The following GRSF1 variants were observed in gnomAD, a reference collection of about 807,000 sequenced individuals.
GRSF1 encodes the protein G-rich sequence factor 1.
In GRSF1, 50 loss-of-function variants were observed where a neutral mutation model predicts 51.1. The observed-to-expected ratio is 0.98, with a 90% CI of 0.78 to 1.24. The LOEUF (loss-of-function observed/expected upper bound fraction) is 1.24, where lower values mean the gene tolerates loss of function less well. Ranked by LOEUF, GRSF1 falls within the 50% of genes most tolerant of loss-of-function variation. The probability of loss-of-function intolerance (pLI) is 0.00; values close to 1 mark genes in which losing one functional copy is unlikely to be tolerated. For synonymous variants in GRSF1, 293 were observed against 253.3 expected (o/e 1.16, Z -1.49); for missense variants, 700 against 639.7 (o/e 1.09, Z -1.02).
chr4:70,835,779 A>G (rs1734182847), intron 2 of GRSF1, among the ~76,000 whole-genome samples: 1 of 152,038 alleles, frequency 6.6e-6, no homozygotes, highest in African/African-American at 2.4e-5. Flanking sequence ...CTTTTGTTGC[A>G]TTCAAAGTCT....
At chr4:70,827,205 G>A (rs529671374) in intron 6 of GRSF1, among the ~76,000 whole-genome samples, 5 of 151,222 alleles carry the variant, frequency 3.3e-5, no homozygotes, top group Admixed American at 2.0e-4. Context: ...GGATGATGGC[G>A]TGAACCTGGG....
At chr4:70,837,338 G>A (rs1282441368) in intron 1 of GRSF1, among the ~76,000 whole-genome samples, 3 of 151,988 alleles carry the variant, frequency 2.0e-5, no homozygotes, top group Non-Finnish European at 4.4e-5. Context: ...GCCGAGGTGG[G>A]CGAATCACGA....
At chr4:70,822,357 C>T (rs1006734554) in intron 9 of GRSF1, among the ~76,000 whole-genome samples, 23 of 151,136 alleles carry the variant, frequency 1.5e-4, no homozygotes, top group African/African-American at 4.9e-4. Flanking sequence ...CTGAGGCTAG[C>T]GGATCACTGG....
At chr4:70,821,723 G>T (rs2148834325) in intron 9 of GRSF1, among the ~76,000 whole-genome samples, 1 of 149,066 alleles carries the variant, frequency 6.7e-6, no homozygotes, top group South Asian at 2.1e-4. Context: ...ATCCAGGCTG[G>T]TGGAGTGCAG....
Position 70,819,248 on chromosome 4 carries a change from T to C in GRSF1, c.*1639A>G, listed in dbSNP as rs892248488. The C allele has an allele frequency of 6.6e-6, 1 of 152,108 alleles. No homozygotes were observed. Among genetic ancestry groups the C allele is most frequent in the African/African-American group, 2.4e-5 (1 of 41,416 alleles). 9.4% of individuals were successfully genotyped at this position (152,108 alleles called of 1,614,324 possible). A position where few individuals can be genotyped will look rare whatever the true frequency, so the allele number is the denominator to read the frequency against. On this transcript the variant is annotated 3_prime_UTR_variant, in exon 10 of 10. Coordinates refer to ENST00000254799, the MANE Select transcript of GRSF1 (RefSeq NM_002092.4). ...CCCCACAGATCTTTTCCACAGCAAA[T>C]CAGATACCAAATGTGAAAGAGCAAC...
intron 5 of GRSF1, 146 bp downstream of exon 5, chr4:70,831,393 A>T: frequency 1.6e-6 from 1 of 641,946 alleles, no homozygotes; most frequent in Non-Finnish European, 2.5e-6. Context: ...AAAAATTGTT[A>T]ATCTAAATTA....
chr4:70,828,040 T>C lies in GRSF1; in HGVS notation c.951-4A>G, dbSNP rs1733805263. On this transcript the variant is annotated splice_polypyrimidine_tract_variant and splice_region_variant and intron_variant, in intron 5 of 9. Coordinates refer to ENST00000254799, the MANE Select transcript of GRSF1 (RefSeq NM_002092.4). Reference sequence around the variant, plus strand: ...GCTTGGAAATATCTCGATGTATCTATGTCAAAGCAAAAGTAAACAGGCACA... The same window carrying C: ...GCTTGGAAATATCTCGATGTATCTACGTCAAAGCAAAAGTAAACAGGCACA... 4 of 1,609,724 alleles carry C rather than the reference T, an allele frequency of 2.5e-6. No individual in the cohort carries two copies. Among genetic ancestry groups the C allele is most frequent in the Non-Finnish European group, 3.4e-6 (4 of 1,177,602 alleles).
At chr4:70,839,920 T>G, upstream of GRSF1, 18 of 1,127,926 alleles carry the variant, frequency 1.6e-5, no homozygotes, top group East Asian at 3.6e-5. Flanking sequence ...GGGTGGGGTG[T>G]GCCTGGCACA....
intron 1 of GRSF1, chr4:70,839,061 C>A: frequency 8.7e-7 from 1 of 1,147,634 alleles, no homozygotes; most frequent in South Asian, 1.3e-5. Context: ...GCCTAGCGCT[C>A]GGGCTGCACG....
In GRSF1 at chr4:70,833,289, C is replaced by A; in HGVS notation, c.515-16G>T. 6.2e-7 allele frequency: 1 copy of A among 1,607,150 alleles called. No homozygotes were observed. The highest frequency in any genetic ancestry group is 8.5e-7 in the Non-Finnish European group (1 of 1,176,254). On this transcript the variant is annotated splice_polypyrimidine_tract_variant and intron_variant, in intron 2 of 9. Coordinates refer to ENST00000254799, the MANE Select transcript of GRSF1 (RefSeq NM_002092.4). ...ATTCTGCAGTCTAAAAGTGTATGAG[C>A]AAAATCAATTGAAAACAGAAATCAA... is the stretch of plus-strand genomic sequence containing the variant.
Position 70,827,931 on chromosome 4 carries a change from C to A in GRSF1, c.1056G>T (p.Glu352Asp), listed in dbSNP as rs369995719. Reference sequence around the variant, plus strand: ...CATGTTCTTCAAAGACCATTTCTGGCTCAGTTATATACTTAGCAGTAGGAA... The same window carrying A: ...CATGTTCTTCAAAGACCATTTCTGGATCAGTTATATACTTAGCAGTAGGAA... ...ASFPTAKYIT[E>D]PEMVFEEHEV... Residue 352 changes from glutamate (E) to aspartate (D), a missense_variant, in exon 6 of 10, where the codon GAG (glutamate) becomes GAT (aspartate). Physicochemically the swap from Glu to Asp is conservative, Grantham distance 45. Transcript: ENST00000254799. 110 of 1,612,956 alleles carry A rather than the reference C, an allele frequency of 6.8e-5. No homozygotes were observed. Among genetic ancestry groups the A allele is most frequent in the Admixed American group, 3.8e-4 (23 of 59,952 alleles).
At chr4:70,833,323 CTCAATTATGTAAG>C in intron 2 of GRSF1, 50 bp from the exon 3 acceptor site, 1 of 1,521,060 alleles carries the variant, frequency 6.6e-7, no homozygotes, top group Non-Finnish European at 9.1e-7. Context: ...AAACTTTTAG[CTCAATTATGTAAG>C]TCACAAGAAT....
intron 4 of GRSF1, 126 bp from the exon 5 acceptor site, chr4:70,831,800 CA>C: frequency 1.5e-6 from 1 of 684,930 alleles, no homozygotes; most frequent in Non-Finnish European, 2.3e-6. Context: ...ACATGCTTGA[CA>C]GGAAGAAAAT....
At position 70,839,803 on chromosome 4, in the gene GRSF1, C is replaced by T. The variant is rs1734391758; in HGVS notation, c.25G>A (p.Gly9Arg). Reference protein sequence around the residue: MAGTRWVLGALLRGCGCNC... With the variant: MAGTRWVLRALLRGCGCNC... ...CAGCCGCAGCCCCGGAGCAGCGCCC[C>T]GAGTACCCAGCGCGTGCCGGCCATG... Residue 9 changes from glycine to arginine, a missense_variant, in exon 1 of 10, where the codon GGG becomes AGG. Physicochemically the swap from Gly to Arg is moderately radical, Grantham distance 125 (BLOSUM62 -2). Transcript: ENST00000254799. The T allele has an allele frequency of 6.7e-7, 1 of 1,503,348 alleles. No individual in the cohort carries two copies. Among genetic ancestry groups the T allele is most frequent in the Non-Finnish European group, 8.8e-7 (1 of 1,133,372 alleles). The allele number at this position is 1,503,348 out of a possible 1,614,324, so 93.1% of individuals were successfully genotyped here. A position where few individuals can be genotyped will look rare whatever the true frequency, so the allele number is the denominator to read the frequency against.
chr4:70,838,982 C>T (rs1327044644), intron 1 of GRSF1: 4 of 420,956 alleles, frequency 9.5e-6, no homozygotes, highest in East Asian at 1.4e-4. Flanking sequence ...CCCTACAAGC[C>T]AGCCCACGCA....
In GRSF1 at chr4:70,836,559, T is replaced by C. The variant is rs77294095; in HGVS notation, c.358-245A>G. Reference sequence around the variant, plus strand: ...CATTCAGGGTTTGTTTTAAAATTCATCAACCCCAAATTATAGCTAACAATA... The same window carrying C: ...CATTCAGGGTTTGTTTTAAAATTCACCAACCCCAAATTATAGCTAACAATA... On this transcript the variant is annotated intron_variant, in intron 1 of 9. Transcript: ENST00000254799. Among the ~76,000 whole-genome samples the C allele has an allele frequency of 4.6e-3, 707 of 152,240 alleles. 3 individuals are homozygous for C. Among genetic ancestry groups the C allele is most frequent in the Non-Finnish European group, 6.7e-3 (455 of 68,014 alleles).
chr4:70,839,841 G>T lies in GRSF1; in HGVS notation c.-14C>A, dbSNP rs1244249748. ...CGTGCCGGCCATGGACTCCGGAGGC[G>T]GCGCAGGGCCTGAAGGCAGCTGCTC... On this transcript the variant is annotated 5_prime_UTR_variant, in exon 1 of 10. Transcript: ENST00000254799. 6.7e-6 allele frequency: 10 copies of T among 1,483,082 alleles called. No individual in the cohort carries two copies. The highest frequency in any genetic ancestry group is 8.9e-6 in the Non-Finnish European group (10 of 1,125,382). The allele number at this position is 1,483,082 out of a possible 1,614,324, so 91.9% of individuals were successfully genotyped here. A position where few individuals can be genotyped will look rare whatever the true frequency, so the allele number is the denominator to read the frequency against.
chr4:70,825,841 A>T, intron 7 of GRSF1: 1 of 336,354 alleles, frequency 3.0e-6, no homozygotes, highest in Non-Finnish European at 5.4e-6. Flanking sequence ...CCAAGGCGGA[A>T]GAAATGCTTG....
At chr4:70,838,687 A>G (rs981679331) in intron 1 of GRSF1, among the ~76,000 whole-genome samples, 3 of 152,212 alleles carry the variant, frequency 2.0e-5, no homozygotes, top group Non-Finnish European at 4.4e-5. Context: ...TTGCAATCTA[A>G]CTACACACCG....
Sources: allele counts gnomAD v4.1 joint callset (sites outside exome capture counted in the v4.1 genomes callset), GRCh38; gene constraint gnomAD v4.1.1; transcripts MANE v1.5; gene names NCBI Gene and HGNC (gene_info 2026-07-23, HGNC 2026-07-21).